Variants in CROCC observed in about 807,000 individuals in gnomAD.
CROCC encodes ciliary rootlet coiled-coil, rootletin.
In CROCC, 180 loss-of-function variants were observed where a neutral mutation model predicts 245.2. The ratio of observed to expected loss-of-function variants is 0.73; its 90% confidence interval spans 0.65 to 0.83. The LOEUF (loss-of-function observed/expected upper bound fraction) is 0.83, where lower values mean the gene tolerates loss of function less well. CROCC is among the 40% of genes least tolerant of loss of function. The pLI is 0.00. For synonymous variants in CROCC, 1,205 were observed against 1,241.6 expected, an observed-to-expected ratio of 0.97 and a Z score of 0.62; for missense variants, 2,688 against 2,779.4, an observed-to-expected ratio of 0.97 and a Z score of 0.74.
intron 24 of CROCC, 33 bp downstream of exon 24, chr1:16,955,583 C>T: frequency 6.9e-7 from 1 of 1,457,962 alleles, no homozygotes. Flanking sequence ...GTCCTGAGTC[C>T]TCATGGGATC....
At chr1:16,944,577 G>T (rs539000495) in intron 14 of CROCC, among the ~76,000 whole-genome samples, 96 of 152,362 alleles carry the variant, frequency 6.3e-4, no homozygotes, top group Non-Finnish European at 9.3e-4. Context: ...TTAGTTAGAA[G>T]AATAATAATA....
chr1:16,951,882 CTTT>C (rs35956886), intron 20 of CROCC: 10 of 157,202 alleles, frequency 6.4e-5, no homozygotes, highest in Non-Finnish European at 1.1e-4. Context: ...CGGTAAAGCT[CTTT>C]TTTTTTTTTC....
chr1:16,933,304 T>C (rs55943719), intron 8 of CROCC, among the ~76,000 whole-genome samples: 1 of 152,176 alleles, frequency 6.6e-6, no homozygotes, highest in East Asian at 1.9e-4. Context: ...CTATCTCTAC[T>C]AAAAATACAA....
rs2100335839 is a variant in CROCC, at chr1:16,925,950, T to A, written c.351+1471T>A. Among the ~76,000 whole-genome samples, 3 of 152,358 alleles carry A rather than the reference T, an allele frequency of 2.0e-5. No homozygotes were observed. The South Asian group carries it at 6.2e-4, about 32-fold the overall frequency. ...TTCTTTTGGTCCATGCATGGCACAG[T>A]GCCACACCCCCAGGGCCGCCTCTTA... On this transcript the variant is annotated intron_variant, in intron 3 of 36. Transcript: ENST00000375541.
chr1:16,934,290 A>T (rs1399760327), intron 8 of CROCC, among the ~76,000 whole-genome samples: 7 of 152,178 alleles, frequency 4.6e-5, no homozygotes. Flanking sequence ...TTTAACCTGT[A>T]TTATGGACTG....
At chr1:16,915,552 A>T (rs1415274485) in intron 1 of CROCC, among the ~76,000 whole-genome samples, 1 of 152,184 alleles carries the variant, frequency 6.6e-6, no homozygotes, top group Non-Finnish European at 1.5e-5. Flanking sequence ...AGGTGGGAGG[A>T]TCCCTTAAGC....
chr1:16,952,900 C>A lies in CROCC; in HGVS notation c.3007-402C>A, dbSNP rs1458990651. Among the ~76,000 whole-genome samples, 3 of 152,364 alleles carry A rather than the reference C, an allele frequency of 2.0e-5. No homozygotes were observed. The East Asian group carries it at 5.8e-4, about 29-fold the overall frequency. ...CCACTCCCCTCACTGTCCTTAGAATCCCCATGGCCCACACGGCCTGTCCTG... is the reference window on the plus strand; with the variant it reads ...CCACTCCCCTCACTGTCCTTAGAATACCCATGGCCCACACGGCCTGTCCTG... On this transcript the variant is annotated intron_variant, in intron 20 of 36. Coordinates refer to ENST00000375541, the MANE Select transcript of CROCC (RefSeq NM_014675.5).
chr1:16,916,139 C>T (rs1462013100), intron 1 of CROCC, among the ~76,000 whole-genome samples: 3 of 151,234 alleles, frequency 2.0e-5, no homozygotes, highest in African/African-American at 4.9e-5. Flanking sequence ...TTGTGCACCA[C>T]TGCACTCCAG....
At chr1:16,925,957 C>A (rs1223933805) in intron 3 of CROCC, among the ~76,000 whole-genome samples, 2 of 152,252 alleles carry the variant, frequency 1.3e-5, no homozygotes, top group African/African-American at 2.4e-5. Context: ...CAGTGCCACA[C>A]CCCCAGGGCC....
intron 27 of CROCC, among the ~76,000 whole-genome samples, chr1:16,961,343 T>C (rs367917197): frequency 2.0e-5 from 3 of 151,900 alleles, no homozygotes; most frequent in East Asian, 3.9e-4. Context: ...CTTTTTTCTT[T>C]AGACCAGGCC....
chr1:16,972,265 C>T (rs2076533989), intron 36 of CROCC, 95 bp from the exon 37 acceptor site: 9 of 944,522 alleles, frequency 9.5e-6, no homozygotes, highest in South Asian at 7.8e-5. Context: ...TTTCCTGAAA[C>T]TGTGGCACTG....
rs1048795203 is a variant in CROCC at position 16,925,834 on chromosome 1, C to T, written c.351+1355C>T. Among the ~76,000 whole-genome samples the T allele has an allele frequency of 5.9e-5, 9 of 152,358 alleles. No individual in the cohort carries two copies. In the East Asian group the frequency reaches 7.7e-4, roughly 13 times the overall value. The stretch of plus-strand genomic sequence containing the variant: ...CCTGGCATGAGGACAGTGGAGAGCT[C>T]GTTTCCCCAGGGTCTGCAGCGGGTG... On this transcript the variant is annotated intron_variant, in intron 3 of 36. Coordinates refer to ENST00000375541, the MANE Select transcript of CROCC (RefSeq NM_014675.5).
At chr1:16,963,228 C>CT (rs552239284) in intron 27 of CROCC, among the ~76,000 whole-genome samples, 49 of 148,434 alleles carry the variant, frequency 3.3e-4, no homozygotes, top group African/African-American at 1.2e-3. Context: ...AAGGTAGGGG[C>CT]TAGGGCAGTT....
chr1:16,950,896 T>C (rs1409244631), intron 19 of CROCC, 57 bp from the exon 20 acceptor site: 5 of 1,435,328 alleles, frequency 3.5e-6, no homozygotes, highest in Non-Finnish European at 4.6e-6. Flanking sequence ...CTAAGTCTGC[T>C]GGCCCAAGGA....
chr1:16,924,403 G>T lies in CROCC; in HGVS notation c.275G>T (p.Arg92Leu), dbSNP rs146983726. 6.2e-6 allele frequency: 10 copies of T among 1,613,144 alleles called. No homozygotes were observed. In the African/African-American group the frequency reaches 1.2e-4, roughly 19 times the overall value. ...ENQLLQQELS[R>L]VEDLLAQSRA... The stretch of plus-strand genomic sequence containing the variant: ...CAGCTGCTGCAGCAGGAGCTGTCCC[G>T]CGTGGAGGACCTGCTGGCCCAGAGC... The change falls in exon 3 of 37, where the codon CGC becomes CTC. Residue 92 changes from arginine (R) to leucine (L), a missense_variant. Coordinates refer to ENST00000375541, the MANE Select transcript of CROCC (RefSeq NM_014675.5).
Position 16,929,958 on chromosome 1 carries a change from A to G in CROCC, c.464A>G (p.Tyr155Cys), listed in dbSNP as rs1229999315. ...CAGCTGCAGGAGGAGCAGGCCTCCT[A>G]CCGGCGCAAGCTGCAGGCCTACCAG... The part of the protein sequence containing the change: ...RRQLQEEQAS[Y>C]RRKLQAYQEG... Residue 155 changes from tyrosine to cysteine, a missense_variant, in exon 4 of 37, where the codon TAC becomes TGC. Tyr to Cys is a radical substitution (Grantham distance 194, BLOSUM62 -2). This residue lies in a region of CROCC where 972 missense variants were observed against 895.3 expected (regional missense o/e 1.09). Transcript: ENST00000375541. The G allele has an allele frequency of 9.5e-6, 15 of 1,586,300 alleles. No individual in the cohort carries two copies. The East Asian group carries it at 2.7e-4, about 29-fold the overall frequency.
intron 8 of CROCC, among the ~76,000 whole-genome samples, chr1:16,931,953 G>A (rs1245370386): frequency 6.6e-6 from 1 of 151,238 alleles, no homozygotes; most frequent in Non-Finnish European, 1.5e-5. Flanking sequence ...TTTTAGTAGA[G>A]ACGGGGTTTC....
chr1:16,932,964 A>G (rs1425913186), intron 8 of CROCC, among the ~76,000 whole-genome samples: 1 of 152,270 alleles, frequency 6.6e-6, no homozygotes, highest in African/African-American at 2.4e-5. Context: ...GGTGCATGCC[A>G]CCAGGCTTGC....
Position 16,955,386 on chromosome 1 carries a change from C to T in CROCC, c.3540C>T (p.Ala1180=). ...RDGLRRELLE[A]QRKLRESQEG... ...GGCTGCGGCGGGAGCTGCTGGAGGCCCAGCGCAAGCTGCGTGAGAGCCAGG... is the reference window on the plus strand; with the variant it reads ...GGCTGCGGCGGGAGCTGCTGGAGGCTCAGCGCAAGCTGCGTGAGAGCCAGG... The change falls in exon 24 of 37, where the codon GCC becomes GCT. Residue 1180 remains alanine (A), a synonymous_variant. Coordinates refer to ENST00000375541, the MANE Select transcript of CROCC (RefSeq NM_014675.5). 1 of 1,605,732 alleles carries T rather than the reference C, an allele frequency of 6.2e-7. No homozygotes were observed.
Sources: gnomAD v4.1 joint callset for allele counts (sites outside exome capture counted in the v4.1 genomes callset) on GRCh38, gnomAD v4.1.1 for gene constraint, gnomAD v4.1.1 regional missense constraint, MANE v1.5 for transcripts, NCBI Gene and HGNC (gene_info 2026-07-23, HGNC 2026-07-21) for gene names.